The following RYR2 variants were observed in gnomAD, a reference collection of about 807,000 sequenced individuals.
RYR2 encodes the protein cardiac muscle ryanodine receptor-calcium release channel.
In RYR2, 227 loss-of-function variants were observed where a neutral mutation model predicts 601.1. That is an observed-to-expected ratio of 0.38 (90% CI 0.34 to 0.42). RYR2 has a LOEUF of 0.42. Ranked by LOEUF, RYR2 falls within the 10% of genes least tolerant of loss-of-function variation. The pLI is 1.00. For synonymous variants in RYR2, 2,223 were observed against 2,175.1 expected, an observed-to-expected ratio of 1.02 and a Z score of -0.61; for missense variants, 4,646 against 6,156.5, an observed-to-expected ratio of 0.75 and a Z score of 8.21.
chr1:237,216,814 G>A (rs1401412527), intron 1 of RYR2, among the ~76,000 whole-genome samples: 2 of 151,784 alleles, frequency 1.3e-5, no homozygotes, highest in Non-Finnish European at 2.9e-5. Context: ...CCTATAATGT[G>A]TTCAATATAC....
At chr1:237,744,190 A>G (rs1245189029) in intron 80 of RYR2, among the ~76,000 whole-genome samples, 3 of 152,204 alleles carry the variant, frequency 2.0e-5, no homozygotes, top group Non-Finnish European at 4.4e-5. Flanking sequence ...AACATTTGCT[A>G]AAAGAAAACA....
chr1:237,799,006 G>A (rs1237714306), intron 97 of RYR2, among the ~76,000 whole-genome samples: 1 of 152,174 alleles, frequency 6.6e-6, no homozygotes, highest in African/African-American at 2.4e-5. Flanking sequence ...GTTCTGTGAA[G>A]CAGTATTATT....
At chr1:237,082,637 C>A (rs1445728285) in intron 1 of RYR2, among the ~76,000 whole-genome samples, 2 of 148,670 alleles carry the variant, frequency 1.3e-5, no homozygotes, top group East Asian at 4.0e-4. Flanking sequence ...GTTCTCAGTA[C>A]CATAAGGTTA....
intron 1 of RYR2, among the ~76,000 whole-genome samples, chr1:237,055,021 C>T (rs1661805224): frequency 6.6e-6 from 1 of 152,188 alleles, no homozygotes; most frequent in Non-Finnish European, 1.5e-5. Flanking sequence ...GGGACAGTTT[C>T]CCACTGTTGC....
chr1:237,269,985 G>C (rs1689520631), intron 1 of RYR2, among the ~76,000 whole-genome samples: 2 of 152,180 alleles, frequency 1.3e-5, no homozygotes, highest in African/African-American at 4.8e-5. Context: ...AGCAACTAAT[G>C]CTTGGTTGAA....
At chr1:237,567,589 C>A (rs924266969) in intron 28 of RYR2, among the ~76,000 whole-genome samples, 1 of 151,098 alleles carries the variant, frequency 6.6e-6, no homozygotes, top group Non-Finnish European at 1.5e-5. Context: ...GACCTTGTCT[C>A]AAAACAAACA....
intron 76 of RYR2, 58 bp from the exon 77 acceptor site, chr1:237,730,202 A>G: frequency 1.1e-6 from 1 of 950,672 alleles, no homozygotes; most frequent in Middle Eastern, 2.1e-4. Flanking sequence ...GCACTACTCA[A>G]TACAATTTCA....
chr1:237,434,452 C>T (rs1707145259), intron 12 of RYR2, among the ~76,000 whole-genome samples: 1 of 152,178 alleles, frequency 6.6e-6, no homozygotes, highest in Non-Finnish European at 1.5e-5. Context: ...ACGAAGAATG[C>T]TATTTGATAA....
chr1:237,665,479 T>A (rs909434188), intron 56 of RYR2, among the ~76,000 whole-genome samples: 1 of 151,240 alleles, frequency 6.6e-6, no homozygotes, highest in Non-Finnish European at 1.5e-5. Context: ...CCAGTGGCAG[T>A]CCCTGAAACC....
Position 237,180,580 on chromosome 1 carries a change from G to A in RYR2, c.49-89917G>A, listed in dbSNP as rs923544353. The stretch of plus-strand genomic sequence containing the variant: ...CCCAAATATATATATGTGTGTGTGT[G>A]TATATATGTATATATAAGTATATAT... On this transcript the variant is annotated intron_variant, in intron 1 of 104. Coordinates refer to ENST00000366574, the MANE Select transcript of RYR2 (RefSeq NM_001035.3). The surrounding 1 kb of genome is among the most constrained non-coding windows in gnomAD (Gnocchi z 5.3). Among the ~76,000 whole-genome samples, 9 of 144,190 alleles carry A rather than the reference G, an allele frequency of 6.2e-5. No homozygotes were observed. Among genetic ancestry groups the A allele is most frequent in the African/African-American group, 1.3e-4 (5 of 38,218 alleles). The allele number at this position is 144,190 out of a possible 152,430, so 94.6% of individuals were successfully genotyped here.
chr1:237,056,057 A>G (rs1395446326), intron 1 of RYR2, among the ~76,000 whole-genome samples: 2 of 145,602 alleles, frequency 1.4e-5, no homozygotes, highest in Non-Finnish European at 3.0e-5. Flanking sequence ...TAAAGACTGT[A>G]CCTGTGAGGA....
chr1:237,090,866 A>G (rs544663401), intron 1 of RYR2, among the ~76,000 whole-genome samples: 1 of 152,344 alleles, frequency 6.6e-6, no homozygotes, highest in South Asian at 2.1e-4. Flanking sequence ...GGTTGGCATG[A>G]AAGTTAAAGG....
intron 27 of RYR2, among the ~76,000 whole-genome samples, chr1:237,551,530 C>CAAAAAAAAA (rs34940458): frequency 2.2e-5 from 2 of 90,542 alleles, no homozygotes; most frequent in Non-Finnish European, 2.0e-5. Flanking sequence ...GACTCCGTCT[C>CAAAAAAAAA]AAAAAAAAAA....
At position 237,784,790 on chromosome 1, in the gene RYR2, T is replaced by G. The variant is rs1420181587; in HGVS notation, c.13078T>G (p.Ser4360Ala). ...ERKPLEAALP[S>A]EDLTDLKELT... ...GAAACCCCTGGAAGCCGCCCTGCCC[T>G]CCGAGGATCTGACCGACTTAAAGGA... Residue 4360 changes from serine (S) to alanine (A), a missense_variant, in exon 90 of 105, where the codon TCC (serine) becomes GCC (alanine). Ser to Ala is a moderately conservative substitution (Grantham distance 99). This residue lies in a region of RYR2 where 364 missense variants were observed against 442.9 expected (regional missense o/e 0.82). Transcript: ENST00000366574. The surrounding 1 kb of genome is among the most constrained non-coding windows in gnomAD (Gnocchi z 7.1). 2 of 1,610,290 alleles carry G rather than the reference T, an allele frequency of 1.2e-6. No individual in the cohort carries two copies. The highest frequency in any genetic ancestry group is 1.7e-6 in the Non-Finnish European group (2 of 1,177,358).
Position 237,792,213 on chromosome 1 carries a change from C to A in RYR2, c.13672C>A (p.His4558Asn), listed in dbSNP as rs773264033. ...CAGCTCCCATAGAATCATCGCAGTT[C>A]ACTATGTACTAGAGGAGAGCAGCGG... ...DSSSHRIIAV[H>N]YVLEESSGYM... Residue 4558 changes from histidine (H) to asparagine (N), a missense_variant, in exon 94 of 105, where the codon CAC (histidine) becomes AAC (asparagine). His to Asn is a moderately conservative substitution (Grantham distance 68, BLOSUM62 1). This residue lies in a region of RYR2 where 364 missense variants were observed against 442.9 expected (regional missense o/e 0.82). Coordinates refer to ENST00000366574, the MANE Select transcript of RYR2 (RefSeq NM_001035.3). The A allele has an allele frequency of 4.3e-6, 7 of 1,613,748 alleles. No individual in the cohort carries two copies. Among genetic ancestry groups the A allele is most frequent in the Non-Finnish European group, 5.9e-6 (7 of 1,179,778 alleles).
rs1558520772 is a variant in RYR2 at position 237,264,703 on chromosome 1, T to TA, written c.49-5794_49-5793insA. Among the ~76,000 whole-genome samples, 162 of 150,988 alleles carry TA rather than the reference T, an allele frequency of 1.1e-3. 1 individual carries two copies. Among genetic ancestry groups the TA allele is most frequent in the African/African-American group, 3.3e-3 (137 of 41,218 alleles). On this transcript the variant is annotated intron_variant, in intron 1 of 104. Transcript: ENST00000366574. ...TTATTTTTTATTATTATTATTATTT[T>TA]TTTTTTTTTGAGACGGAGTCTTGCT...
chr1:237,074,102 A>AGG (rs1236285812), intron 1 of RYR2, among the ~76,000 whole-genome samples: 35 of 152,092 alleles, frequency 2.3e-4, no homozygotes, highest in African/African-American at 8.4e-4. Flanking sequence ...GTATTGCTTG[A>AGG]GCCTAGGAGT....
intron 1 of RYR2, among the ~76,000 whole-genome samples, chr1:237,123,754 G>A (rs540483145): frequency 1.1e-3 from 152 of 135,698 alleles, no homozygotes; most frequent in Non-Finnish European, 2.0e-3. Flanking sequence ...TGCAAGCTCC[G>A]CTTCCCGGGT....
In RYR2 at chr1:237,819,132, A is replaced by T; in HGVS notation, c.14530A>T (p.Ile4844Phe). 6.2e-7 allele frequency: 1 copy of T among 1,613,672 alleles called. No homozygotes were observed. The highest frequency in any genetic ancestry group is 1.7e-4 in the Middle Eastern group (1 of 6,058). Reference sequence around the variant, plus strand: ...AGGAGATGAATATGAGATCTATCGAATCATCTTTGACATCACTTTCTTCTT... The same window carrying T: ...AGGAGATGAATATGAGATCTATCGATTCATCTTTGACATCACTTTCTTCTT... ...PAGDEYEIYR[I>F]IFDITFFFFV... is the part of the protein sequence containing the mutation. The change falls in exon 101 of 105, where the codon ATC becomes TTC. Residue 4844 changes from isoleucine to phenylalanine, a missense_variant. Transcript: ENST00000366574. This position sits in a 1 kb window ranked among gnomAD's most constrained non-coding sequence, Gnocchi z 4.0.
Sources: allele counts gnomAD v4.1 joint callset (sites outside exome capture counted in the v4.1 genomes callset), GRCh38; gene constraint gnomAD v4.1.1; regional missense constraint gnomAD v4.1.1; non-coding constraint Gnocchi (gnomAD v3.1); transcripts MANE v1.5; gene names NCBI Gene and HGNC (gene_info 2026-07-23, HGNC 2026-07-21).